CNTLN: variants seen among roughly 807,000 people sequenced by gnomAD.
CNTLN encodes centlein, centrosomal protein.
In CNTLN, 212 loss-of-function variants were observed where a neutral mutation model predicts 180.0. That is an observed-to-expected ratio of 1.18 (90% confidence interval 1.05 to 1.32). The LOEUF (loss-of-function observed/expected upper bound fraction) is 1.32. Among genes scored for constraint, CNTLN ranks in the 40% most tolerant of loss-of-function variants. The pLI, the probability that CNTLN is intolerant of heterozygous loss-of-function variation, is 0.00. For missense variants in CNTLN, 2,095 were observed against 1,610.9 expected, an observed-to-expected ratio of 1.30 and a Z score of -5.14; for synonymous variants, 722 against 563.1, an observed-to-expected ratio of 1.28 and a Z score of -3.99.
chr9:17,312,369 T>TATATATATA (rs1819235794), intron 8 of CNTLN, among the ~76,000 whole-genome samples: 4 of 34,386 alleles, frequency 1.2e-4, no homozygotes, highest in South Asian at 5.2e-4. Context: ...ATATATTATA[T>TATATATATA]ATATATATAT....
In CNTLN at chr9:17,352,486, G is replaced by A. The variant is rs574826646; in HGVS notation, c.1886+10042G>A. On this transcript the variant is annotated intron_variant, in intron 12 of 25. Transcript: ENST00000380647. ...CATTTTTCTGAGATGGAAAGAAAAT[G>A]CTTAGCAAAAAATGTCTGCCAATGA... is the stretch of plus-strand genomic sequence containing the variant. 4.8e-4 allele frequency among the ~76,000 whole-genome samples: 72 copies of A among 149,568 alleles called. 2 individuals carry two copies. Among genetic ancestry groups the A allele is most frequent in the Admixed American group, 4.4e-3 (65 of 14,906 alleles).
chr9:17,405,892 G>A (rs1248406984), intron 15 of CNTLN, among the ~76,000 whole-genome samples: 1 of 151,634 alleles, frequency 6.6e-6, no homozygotes, highest in Non-Finnish European at 1.5e-5. Flanking sequence ...GGGTTCAAGC[G>A]ATTCTCCAGA....
chr9:17,241,717 A>G lies in CNTLN; in HGVS notation c.849+5129A>G, dbSNP rs142961096. Among the ~76,000 whole-genome samples, 768 of 151,764 alleles carry G rather than the reference A, an allele frequency of 5.1e-3. 4 individuals are homozygous for G. The highest frequency in any genetic ancestry group is 0.017 in the African/African-American group (712 of 41,306). Reference sequence around the variant, plus strand: ...TTCTTTCCATTTTTTTTTGTATCCTATCTTTAATTTCTCTCATCAATGTTT... The same window carrying G: ...TTCTTTCCATTTTTTTTTGTATCCTGTCTTTAATTTCTCTCATCAATGTTT... On this transcript the variant is annotated intron_variant, in intron 5 of 25. Coordinates refer to ENST00000380647, the MANE Select transcript of CNTLN (RefSeq NM_017738.4).
At chr9:17,443,896 A>G (rs1290589700) in intron 18 of CNTLN, among the ~76,000 whole-genome samples, 2 of 152,154 alleles carry the variant, frequency 1.3e-5, no homozygotes, top group African/African-American at 4.8e-5. Flanking sequence ...GTACTTTAAT[A>G]AAGAAACAAG....
At chr9:17,392,299 G>A (rs926151314) in intron 14 of CNTLN, among the ~76,000 whole-genome samples, 2 of 152,036 alleles carry the variant, frequency 1.3e-5, no homozygotes, top group African/African-American at 4.8e-5. Context: ...CATCAAATAT[G>A]TATTTAAAAA....
chr9:17,290,407 T>G (rs1288035282), intron 6 of CNTLN, among the ~76,000 whole-genome samples: 2 of 148,808 alleles, frequency 1.3e-5, no homozygotes, highest in Non-Finnish European at 3.0e-5. Flanking sequence ...CACTGCTCTC[T>G]TCAAAGCTGT....
intron 5 of CNTLN, among the ~76,000 whole-genome samples, chr9:17,260,555 T>C (rs1826884440): frequency 6.6e-6 from 1 of 151,420 alleles, no homozygotes; most frequent in Admixed American, 6.6e-5. Context: ...GGTTTCTGGA[T>C]GTTAAACCTG....
At chr9:17,155,149 C>A (rs1819180594) in intron 2 of CNTLN, among the ~76,000 whole-genome samples, 1 of 152,206 alleles carries the variant, frequency 6.6e-6, no homozygotes, top group South Asian at 2.1e-4. Flanking sequence ...CTGGACACAT[C>A]TGAACATCTG....
intron 1 of CNTLN, among the ~76,000 whole-genome samples, chr9:17,138,674 A>T (rs1014941933): frequency 3.3e-5 from 5 of 152,202 alleles, no homozygotes; most frequent in African/African-American, 1.2e-4. Flanking sequence ...ATATTTTGTA[A>T]GTAAACTCTT....
chr9:17,452,878 A>T (rs757198652), intron 18 of CNTLN, among the ~76,000 whole-genome samples: 7 of 152,210 alleles, frequency 4.6e-5, no homozygotes, highest in Non-Finnish European at 8.8e-5. Context: ...TGCAGCTGAG[A>T]GCAGCAAACA....
intron 6 of CNTLN, among the ~76,000 whole-genome samples, chr9:17,283,829 C>T (rs958197992): frequency 6.6e-6 from 1 of 151,942 alleles, no homozygotes; most frequent in African/African-American, 2.4e-5. Flanking sequence ...TATCGAAGGC[C>T]TTTTCTGTGT....
chr9:17,344,457 G>A (rs1046106475), intron 12 of CNTLN, among the ~76,000 whole-genome samples: 1 of 152,056 alleles, frequency 6.6e-6, no homozygotes, highest in Non-Finnish European at 1.5e-5. Flanking sequence ...GCTTTTTTGG[G>A]GGAGGGTTGC....
At chr9:17,176,786 A>T (rs1265531891) in intron 2 of CNTLN, among the ~76,000 whole-genome samples, 1 of 152,174 alleles carries the variant, frequency 6.6e-6, no homozygotes, top group Non-Finnish European at 1.5e-5. Flanking sequence ...TCAGTTATCT[A>T]TTTCATGTTG....
rs1251420236 is a variant in CNTLN at position 17,302,524 on chromosome 9, A to G, written c.1146+4172A>G. ...CAATTCACTTTTAATTAGTTCGTAC[A>G]TAACATACCCTTTTAAAATTATGCC... On this transcript the variant is annotated intron_variant, in intron 7 of 25. Coordinates refer to ENST00000380647, the MANE Select transcript of CNTLN (RefSeq NM_017738.4). 5.3e-5 allele frequency among the ~76,000 whole-genome samples: 8 copies of G among 152,148 alleles called. No homozygotes were observed. In the East Asian group the frequency reaches 1.3e-3, roughly 26 times the overall value.
chr9:17,410,187 A>C (rs1414575215), intron 16 of CNTLN, among the ~76,000 whole-genome samples: 1 of 152,022 alleles, frequency 6.6e-6, no homozygotes, highest in East Asian at 1.9e-4. Context: ...ATTTTATAGA[A>C]ATTTTTGCTG....
intron 7 of CNTLN, among the ~76,000 whole-genome samples, chr9:17,307,859 A>G (rs1283605876): frequency 6.6e-6 from 1 of 152,066 alleles, no homozygotes; most frequent in African/African-American, 2.4e-5. Flanking sequence ...AGATGTTCGT[A>G]TCTTTAAGTA....
At chr9:17,158,879 A>T (rs1200483135) in intron 2 of CNTLN, among the ~76,000 whole-genome samples, 1 of 151,304 alleles carries the variant, frequency 6.6e-6, no homozygotes, top group East Asian at 1.9e-4. Context: ...TTCTCCACTA[A>T]TTTTTATTAT....
At chr9:17,233,643 C>T (rs1285584782) in intron 3 of CNTLN, among the ~76,000 whole-genome samples, 1 of 152,058 alleles carries the variant, frequency 6.6e-6, no homozygotes, top group Non-Finnish European at 1.5e-5. Context: ...AAATGGGAAA[C>T]AGCTGAAATA....
At chr9:17,189,995 G>T (rs1252284059) in intron 2 of CNTLN, among the ~76,000 whole-genome samples, 1 of 151,516 alleles carries the variant, frequency 6.6e-6, no homozygotes, top group Admixed American at 6.6e-5. Context: ...CAGAACTTCC[G>T]GAACTCTCTC....
Sources: allele counts gnomAD v4.1 joint callset (sites outside exome capture counted in the v4.1 genomes callset), GRCh38; gene constraint gnomAD v4.1.1; transcripts MANE v1.5; gene names NCBI Gene and HGNC (gene_info 2026-07-23, HGNC 2026-07-21).